The following EPB41L3 variants were observed in gnomAD, a reference collection of about 807,000 sequenced individuals.
The protein encoded by EPB41L3 is erythrocyte membrane protein band 4.1 like 3.
In EPB41L3, 57 loss-of-function variants were observed where a neutral mutation model predicts 127.1. The ratio of observed to expected loss-of-function variants is 0.45; its 90% CI spans 0.36 to 0.56. The LOEUF (loss-of-function observed/expected upper bound fraction) is 0.56, where lower values mean the gene tolerates loss of function less well. Ranked by LOEUF, EPB41L3 falls within the 20% of genes least tolerant of loss-of-function variation. EPB41L3 has a pLI of 0.00. For synonymous variants in EPB41L3, 572 were observed against 549.5 expected (o/e 1.04, Z -0.57); for missense variants, 1,273 against 1,372.2 (o/e 0.93, Z 1.14).
chr18:5,549,676 T>C (rs73937157), intron 3 of EPB41L3, among the ~76,000 whole-genome samples: 1,980 of 152,224 alleles, frequency 0.013, 53 homozygotes, highest in African/African-American at 0.044. Flanking sequence ...CTTAACTGAG[T>C]CGGAAGCTCT....
chr18:5,595,679 TTG>T (rs1254403933), intron 3 of EPB41L3, among the ~76,000 whole-genome samples: 51 of 152,258 alleles, frequency 3.3e-4, no homozygotes, highest in Non-Finnish European at 5.1e-4. Flanking sequence ...CAGTAAGTGT[TTG>T]ATACATACTA....
At chr18:5,490,694 T>C (rs1257794133) in intron 1 of EPB41L3, among the ~76,000 whole-genome samples, 1 of 152,228 alleles carries the variant, frequency 6.6e-6, no homozygotes, top group Non-Finnish European at 1.5e-5. Flanking sequence ...CGAGCAAATC[T>C]TAAAAGTAAA....
chr18:5,567,666 G>GGC (rs2094225069), intron 3 of EPB41L3, among the ~76,000 whole-genome samples: 1 of 152,080 alleles, frequency 6.6e-6, no homozygotes, highest in Admixed American at 6.6e-5. Context: ...GGAAGGAAGG[G>GGC]AGGGGTTGCT....
chr18:5,434,315 T>C (rs554911215), intron 6 of EPB41L3, among the ~76,000 whole-genome samples, 194 bp from the exon 7 acceptor site: 1 of 152,338 alleles, frequency 6.6e-6, no homozygotes, highest in East Asian at 1.9e-4. Context: ...AATATTTGGT[T>C]ACAAAAGACA....
At position 5,395,077 on chromosome 18, in the gene EPB41L3, T is replaced by G; in HGVS notation, c.3143A>C (p.Asp1048Ala). The change falls in exon 21 of 23, where the codon GAC becomes GCC. Residue 1048 changes from aspartate to alanine, a missense_variant. Asp to Ala is a moderately radical substitution (Grantham distance 126, BLOSUM62 -2). This residue lies in a region of EPB41L3 where 765 missense variants were observed against 782.9 expected (regional missense o/e 0.98). Coordinates refer to ENST00000341928, the MANE Select transcript of EPB41L3 (RefSeq NM_012307.5). Reference protein sequence around the residue: ...RIVITGDADIDHDQALAQAIK... With the variant: ...RIVITGDADIAHDQALAQAIK... ...TCTCACACACACTACCTGGTCATGGTCAATGTCTGCATCCCCCGTGATGAC... is the reference window on the plus strand; with the variant it reads ...TCTCACACACACTACCTGGTCATGGGCAATGTCTGCATCCCCCGTGATGAC... The G allele has an allele frequency of 6.2e-7, 1 of 1,614,122 alleles. No individual in the cohort carries two copies. The highest frequency in any genetic ancestry group is 8.5e-7 in the Non-Finnish European group (1 of 1,179,978).
intron 3 of EPB41L3, among the ~76,000 whole-genome samples, chr18:5,588,298 T>C (rs1489664489): frequency 1.3e-5 from 2 of 152,088 alleles, no homozygotes; most frequent in African/African-American, 4.8e-5. Context: ...CAAAATTATA[T>C]GAATAGGAAT....
chr18:5,441,536 A>G (rs372827056), intron 5 of EPB41L3, among the ~76,000 whole-genome samples: 71 of 148,430 alleles, frequency 4.8e-4, no homozygotes, highest in African/African-American at 1.4e-3. Context: ...CGCGATCTCG[A>G]CTCACTGCAA....
chr18:5,441,874 A>C (rs1282510923), intron 5 of EPB41L3, among the ~76,000 whole-genome samples: 1 of 152,236 alleles, frequency 6.6e-6, no homozygotes, highest in Non-Finnish European at 1.5e-5. Flanking sequence ...CATGATAAAA[A>C]AATCTTTTAA....
At chr18:5,433,608 C>A in intron 7 of EPB41L3, 52 bp from the exon 8 acceptor site, 2 of 1,491,326 alleles carry the variant, frequency 1.3e-6, no homozygotes, top group Non-Finnish European at 1.8e-6. Flanking sequence ...CCCTGGTAGG[C>A]TGCAATATTT....
rs2093792665 is a variant in EPB41L3 at position 5,543,243 on chromosome 18, G to C, written c.-12+670C>G. ...GGCCGGGGGCCGCTGCCCCAGTTTG[G>C]GGAACGAGGCAAGTTATATAAAAGC... is the stretch of plus-strand genomic sequence containing the variant. On this transcript the variant is annotated intron_variant, in intron 1 of 22. Coordinates refer to ENST00000341928, the MANE Select transcript of EPB41L3 (RefSeq NM_012307.5). This position sits in a 1 kb window ranked among gnomAD's most constrained non-coding sequence, Gnocchi z 5.2. 1 of 151,244 alleles carries C rather than the reference G, an allele frequency of 6.6e-6. No individual in the cohort carries two copies. The highest frequency in any genetic ancestry group is 6.6e-5 in the Admixed American group (1 of 15,168). 9.4% of individuals were successfully genotyped at this position (151,244 alleles called of 1,614,324 possible).
intron 14 of EPB41L3, among the ~76,000 whole-genome samples, chr18:5,408,291 T>TTTTTA (rs1568020428): frequency 6.7e-6 from 1 of 149,960 alleles, no homozygotes; most frequent in African/African-American, 2.5e-5. Context: ...TTTTTTTTTT[T>TTTTTA]GAGACAGAGT....
chr18:5,411,240 C>T (rs3794818), intron 13 of EPB41L3, among the ~76,000 whole-genome samples: 137,969 of 152,226 alleles, frequency 0.91, 63,321 homozygotes, highest in Non-Finnish European at 0.98. Context: ...CAAGTAGCGT[C>T]GCTAACTAGG....
intron 1 of EPB41L3, among the ~76,000 whole-genome samples, chr18:5,621,732 C>T (rs932299374): frequency 1.3e-5 from 2 of 152,190 alleles, no homozygotes; most frequent in African/African-American, 4.8e-5. Flanking sequence ...CAGAGCAAGA[C>T]CCTGTCTCAC....
intron 1 of EPB41L3, among the ~76,000 whole-genome samples, chr18:5,627,714 C>G (rs1425717728): frequency 1.3e-5 from 2 of 151,532 alleles, no homozygotes; most frequent in African/African-American, 4.9e-5. Flanking sequence ...ATGCCAGACT[C>G]TGGGAATAAA....
At chr18:5,449,148 A>G (rs1467666668) in intron 3 of EPB41L3, among the ~76,000 whole-genome samples, 1 of 152,212 alleles carries the variant, frequency 6.6e-6, no homozygotes, top group Non-Finnish European at 1.5e-5. Context: ...CAGTAAGAAA[A>G]CAATCCAATT....
intron 3 of EPB41L3, among the ~76,000 whole-genome samples, chr18:5,447,507 A>G (rs1282449844): frequency 7.2e-6 from 1 of 139,046 alleles, no homozygotes; most frequent in African/African-American, 2.7e-5. Flanking sequence ...AATACATATC[A>G]GTGTCTGGCC....
chr18:5,629,735 C>G (rs1384609416), upstream of EPB41L3, among the ~76,000 whole-genome samples: 1 of 152,164 alleles, frequency 6.6e-6, no homozygotes, highest in Non-Finnish European at 1.5e-5. Flanking sequence ...CTCACTCCTG[C>G]CCTCCTCGCA....
At chr18:5,584,362 G>T (rs1309283869) in intron 3 of EPB41L3, among the ~76,000 whole-genome samples, 1 of 152,026 alleles carries the variant, frequency 6.6e-6, no homozygotes, top group Non-Finnish European at 1.5e-5. Flanking sequence ...CAATATGTGT[G>T]GTGAAAGTCA....
At chr18:5,613,160 A>C (rs1180093645) in intron 2 of EPB41L3, among the ~76,000 whole-genome samples, 4 of 152,128 alleles carry the variant, frequency 2.6e-5, no homozygotes, top group East Asian at 1.9e-4. Flanking sequence ...GGACTTAGGG[A>C]GTATGAGGTA....
Sources: gnomAD v4.1 joint callset for allele counts (sites outside exome capture counted in the v4.1 genomes callset) on GRCh38, gnomAD v4.1.1 for gene constraint, gnomAD v4.1.1 regional missense constraint, Gnocchi (gnomAD v3.1) non-coding constraint, MANE v1.5 for transcripts, NCBI Gene and HGNC (gene_info 2026-07-23, HGNC 2026-07-21) for gene names.